FBXO21: variants seen among roughly 807,000 people sequenced by gnomAD.
FBXO21 encodes the protein F-box protein 21.
A neutral mutation model predicts 76.6 loss-of-function variants in FBXO21; 32 were observed. That is an observed-to-expected ratio of 0.42 (90% CI 0.32 to 0.56). The LOEUF is 0.56. Ranked by LOEUF, FBXO21 falls within the 20% of genes least tolerant of loss-of-function variation. The pLI is 0.16. For synonymous variants in FBXO21, 328 were observed against 311.5 expected, an observed-to-expected ratio of 1.05 and a Z score of -0.56; for missense variants, 586 against 797.3, an observed-to-expected ratio of 0.73 and a Z score of 3.19.
In FBXO21 at chr12:117,155,856, T is replaced by C. The variant is rs1437808463; in HGVS notation, c.1610A>G (p.His537Arg). The change falls in exon 11 of 12, where the codon CAC (histidine) becomes CGC (arginine). Residue 537 changes from histidine (H) to arginine (R), a missense_variant. By Grantham distance (29) the His-to-Arg change is conservative. Coordinates refer to ENST00000622495, the MANE Select transcript of FBXO21 (RefSeq NM_015002.3). ...IRNMNVHSLP[H>R]GHHQPFYNVL... ...GTTATAGAAAGGCTGGTGGTGGCCG[T>C]GCGGCAGGCTGTGGACGTTCATGTT... is the stretch of plus-strand genomic sequence containing the variant. The C allele has an allele frequency of 6.2e-7, 1 of 1,614,016 alleles. No individual in the cohort carries two copies. Among genetic ancestry groups the C allele is most frequent in the Non-Finnish European group, 8.5e-7 (1 of 1,180,010 alleles).
intron 3 of FBXO21, among the ~76,000 whole-genome samples, chr12:117,180,837 G>A (rs778569555): frequency 4.0e-5 from 6 of 151,580 alleles, no homozygotes; most frequent in Non-Finnish European, 7.4e-5. Context: ...GTTTCACCAT[G>A]TTGGCCAGGA....
rs201647242 is a variant in FBXO21, at chr12:117,174,759, C to T, written c.631G>A (p.Asp211Asn). The change falls in exon 5 of 12, where the codon GAC (aspartate) becomes AAC (asparagine). Residue 211 changes from aspartate to asparagine, a missense_variant. By Grantham distance (23) the Asp-to-Asn change is conservative. Around this residue, in one of 6 missense-constraint regions of FBXO21, gnomAD observed 246 missense variants for 356.8 expected, o/e 0.69. Coordinates refer to ENST00000622495, the MANE Select transcript of FBXO21 (RefSeq NM_015002.3). ...YIDQYCNPLS[D>N]ISLKDIQAQI... ...GCCTGGATGTCTTTGAGGCTGATGT[C>T]GGAGAGAGGATTGCAGTACTGGTCA... 3.2e-5 allele frequency: 51 copies of T among 1,614,074 alleles called. 1 individual carries two copies. Among genetic ancestry groups the T allele is most frequent in the South Asian group, 1.8e-4 (16 of 91,084 alleles).
chr12:117,177,775 T>C, intron 3 of FBXO21, 134 bp from the exon 4 acceptor site: 1 of 658,184 alleles, frequency 1.5e-6, no homozygotes. Context: ...ATAATTATAA[T>C]GGAAATAGCA....
At chr12:117,178,792 C>T (rs943257996) in intron 3 of FBXO21, among the ~76,000 whole-genome samples, 1 of 152,146 alleles carries the variant, frequency 6.6e-6, no homozygotes, top group African/African-American at 2.4e-5. Context: ...CCCCTCACCA[C>T]TCCCCTGCCT....
At chr12:117,186,964 T>C (rs1003076423) in intron 2 of FBXO21, among the ~76,000 whole-genome samples, 2 of 152,110 alleles carry the variant, frequency 1.3e-5, no homozygotes, top group Admixed American at 6.6e-5. Context: ...CCATGTCTAC[T>C]AAAAATACAA....
At chr12:117,162,765 T>C (rs1345560588) in intron 9 of FBXO21, among the ~76,000 whole-genome samples, 1 of 152,194 alleles carries the variant, frequency 6.6e-6, no homozygotes, top group Non-Finnish European at 1.5e-5. Flanking sequence ...TACACACATA[T>C]GTAAAAATAC....
At chr12:117,189,641 T>C (rs930771739) in intron 1 of FBXO21, among the ~76,000 whole-genome samples, 1 of 152,148 alleles carries the variant, frequency 6.6e-6, no homozygotes, top group Non-Finnish European at 1.5e-5. Context: ...GAGCACTGAT[T>C]GAGCGCCTCC....
At chr12:117,157,771 C>G (rs1156951542) in intron 10 of FBXO21, 102 bp downstream of exon 10, 2 of 994,034 alleles carry the variant, frequency 2.0e-6, no homozygotes, top group Non-Finnish European at 2.9e-6. Flanking sequence ...GTGATCCAGT[C>G]AGCTCCTCCT....
intron 4 of FBXO21, 22 bp from the exon 5 acceptor site, chr12:117,174,819 C>T (rs543837499): frequency 1.2e-5 from 20 of 1,604,444 alleles, no homozygotes; most frequent in South Asian, 2.2e-5. Flanking sequence ...CAAGAATTAC[C>T]GAATAAATTC....
At chr12:117,189,407 G>A (rs774027346) in intron 1 of FBXO21, 45 bp from the exon 2 acceptor site, 5 of 1,611,110 alleles carry the variant, frequency 3.1e-6, no homozygotes, top group Non-Finnish European at 4.2e-6. Context: ...AAACTCAAAG[G>A]CAGGCGGCCA....
intron 9 of FBXO21, among the ~76,000 whole-genome samples, chr12:117,164,879 C>A (rs1956033284): frequency 6.6e-6 from 1 of 152,142 alleles, no homozygotes; most frequent in Non-Finnish European, 1.5e-5. Flanking sequence ...GGCTCCTGCA[C>A]CATTATACAC....
intron 3 of FBXO21, 140 bp from the exon 4 acceptor site, chr12:117,177,781 T>G: frequency 1.6e-6 from 1 of 641,728 alleles, no homozygotes; most frequent in Non-Finnish European, 2.6e-6. Context: ...ATAATGGAAA[T>G]AGCAGTCTTT....
intron 3 of FBXO21, among the ~76,000 whole-genome samples, chr12:117,184,534 A>C (rs1956264634): frequency 6.6e-6 from 1 of 152,186 alleles, no homozygotes; most frequent in Admixed American, 6.5e-5. Flanking sequence ...CCAGCAGATC[A>C]CGTGACATCA....
intron 9 of FBXO21, among the ~76,000 whole-genome samples, chr12:117,160,354 C>T (rs1046698665): frequency 6.6e-6 from 1 of 152,168 alleles, no homozygotes; most frequent in African/African-American, 2.4e-5. Context: ...GTTCTTGGCT[C>T]TGCTTTCTTG....
chr12:117,154,608 G>A (rs1955888933), intron 11 of FBXO21, among the ~76,000 whole-genome samples: 2 of 152,026 alleles, frequency 1.3e-5, no homozygotes, highest in South Asian at 2.1e-4. Context: ...GGGAACACAG[G>A]TGCACATGAC....
intron 11 of FBXO21, among the ~76,000 whole-genome samples, chr12:117,153,719 C>T (rs868267387): frequency 6.6e-6 from 1 of 152,184 alleles, no homozygotes; most frequent in South Asian, 2.1e-4. Flanking sequence ...CTGATGGAGC[C>T]GCCGGCAGAA....
At chr12:117,149,875 G>A (rs1955819151) in intron 11 of FBXO21, among the ~76,000 whole-genome samples, 1 of 152,208 alleles carries the variant, frequency 6.6e-6, no homozygotes, top group Admixed American at 6.5e-5. Flanking sequence ...GGACCCAACA[G>A]CTACTACACA....
intron 9 of FBXO21, among the ~76,000 whole-genome samples, chr12:117,163,134 A>C (rs1029263014): frequency 6.6e-6 from 1 of 152,226 alleles, no homozygotes; most frequent in Non-Finnish European, 1.5e-5. Flanking sequence ...GGGGTCACCC[A>C]AGAGATGGAC....
Position 117,166,921 on chromosome 12 carries a change from T to C in FBXO21, c.1170A>G (p.Gly390=). 6.2e-7 allele frequency: 1 copy of C among 1,614,174 alleles called. No homozygotes were observed. The highest frequency in any genetic ancestry group is 8.5e-7 in the Non-Finnish European group (1 of 1,180,024). Reference sequence around the variant, plus strand: ...ACCGCTTCCCCAGGCTTAACAGGTTTCCCACCATTCTCTGTAACACCTTCT... The same window carrying C: ...ACCGCTTCCCCAGGCTTAACAGGTTCCCCACCATTCTCTGTAACACCTTCT... ...NVKKVLQRMV[G]NLLSLGKREG... Residue 390 remains glycine (G), a synonymous_variant, in exon 8 of 12, where the codon GGA becomes GGG. Coordinates refer to ENST00000622495, the MANE Select transcript of FBXO21 (RefSeq NM_015002.3).
Sources: gnomAD v4.1 joint callset for allele counts (sites outside exome capture counted in the v4.1 genomes callset) on GRCh38, gnomAD v4.1.1 for gene constraint, gnomAD v4.1.1 regional missense constraint, MANE v1.5 for transcripts, NCBI Gene and HGNC (gene_info 2026-07-23, HGNC 2026-07-21) for gene names.